The following UBAC2 variants were observed in gnomAD, a reference collection of about 807,000 sequenced individuals.
UBAC2 encodes ubiquitin-associated domain-containing protein 2.
Under a neutral mutation model 44.0 loss-of-function variants are expected in UBAC2, and 26 were observed. That is an observed-to-expected ratio of 0.59 (90% confidence interval 0.43 to 0.82). UBAC2 has a LOEUF of 0.82. Among genes scored for constraint, UBAC2 ranks in the 40% least tolerant of loss-of-function variants. The pLI is 0.00. For synonymous variants in UBAC2, 155 were observed against 154.3 expected, an observed-to-expected ratio of 1.00 and a Z score of -0.04; for missense variants, 329 against 419.4, an observed-to-expected ratio of 0.78 and a Z score of 1.88.
intron 8 of UBAC2, among the ~76,000 whole-genome samples, chr13:99,381,279 A>G (rs2045547083): frequency 6.6e-6 from 1 of 152,202 alleles, no homozygotes; most frequent in South Asian, 2.1e-4. Flanking sequence ...AACCAAATGT[A>G]TCATCAGTGG....
intron 5 of UBAC2, chr13:99,314,934 CT>C (rs1237229965): frequency 1.3e-5 from 2 of 152,246 alleles, no homozygotes; most frequent in Non-Finnish European, 2.9e-5. Flanking sequence ...TATTCTACAG[CT>C]TCCTGTGTCA....
At chr13:99,341,347 G>T (rs2044883348) in intron 7 of UBAC2, among the ~76,000 whole-genome samples, 1 of 151,698 alleles carries the variant, frequency 6.6e-6, no homozygotes. Flanking sequence ...TCTCACGATG[G>T]TTTGGAGAAG....
chr13:99,297,093 A>T (rs2044186869), intron 4 of UBAC2, among the ~76,000 whole-genome samples: 1 of 152,044 alleles, frequency 6.6e-6, no homozygotes, highest in Non-Finnish European at 1.5e-5. Flanking sequence ...TTGCTTAGCT[A>T]CTCCCTTGAT....
At chr13:99,305,918 C>CA (rs1491087891) in intron 4 of UBAC2, among the ~76,000 whole-genome samples, 1 of 151,660 alleles carries the variant, frequency 6.6e-6, no homozygotes, top group African/African-American at 2.4e-5. Context: ...TCTATCGAGA[C>CA]AGAGTCTCGC....
intron 6 of UBAC2, among the ~76,000 whole-genome samples, chr13:99,339,952 C>T (rs554434465): frequency 6.6e-6 from 1 of 152,276 alleles, no homozygotes; most frequent in South Asian, 2.1e-4. Flanking sequence ...GGCCATCTGC[C>T]AACAAAGGTA....
intron 4 of UBAC2, among the ~76,000 whole-genome samples, chr13:99,260,557 C>G (rs1010708169): frequency 6.6e-6 from 1 of 152,202 alleles, no homozygotes; most frequent in Non-Finnish European, 1.5e-5. Context: ...CATTGACCCC[C>G]GTTCGCTGTG....
chr13:99,271,124 G>A (rs1452740134), intron 4 of UBAC2, among the ~76,000 whole-genome samples: 1 of 151,966 alleles, frequency 6.6e-6, no homozygotes, highest in East Asian at 1.9e-4. Context: ...TGTAATTGAG[G>A]GTAAAAGACA....
intron 4 of UBAC2, among the ~76,000 whole-genome samples, chr13:99,265,974 C>T (rs1024702927): frequency 3.9e-5 from 6 of 152,054 alleles, no homozygotes; most frequent in Non-Finnish European, 7.4e-5. Context: ...TGAAATAGAT[C>T]CAGATTTCTT....
chr13:99,246,879 AC>A (rs1314970680), intron 4 of UBAC2, among the ~76,000 whole-genome samples: 2 of 152,248 alleles, frequency 1.3e-5, no homozygotes, highest in African/African-American at 4.8e-5. Flanking sequence ...TTTTCAAGTC[AC>A]AAAACATTAT....
At position 99,200,889 on chromosome 13, in the gene UBAC2, GC is replaced by G. The variant is rs746237524; in HGVS notation, c.-19del. 4 of 1,302,308 alleles carry G rather than the reference GC, an allele frequency of 3.1e-6. No individual in the cohort carries two copies. The allele number at this position is 1,302,308 out of a possible 1,614,324, so 80.7% of individuals were successfully genotyped here. A position where few individuals can be genotyped will look rare whatever the true frequency, so the allele number is the denominator to read the frequency against. On this transcript the variant is annotated 5_prime_UTR_variant, in exon 1 of 9. Coordinates refer to ENST00000403766, the MANE Select transcript of UBAC2 (RefSeq NM_001144072.2). ...TTCCCCTCCCCCGGCGCCCTCTGGG[GC>G]TCCGAGCCCGGCGGGACCATGTTCA...
chr13:99,275,588 C>T (rs1002775398), intron 4 of UBAC2, among the ~76,000 whole-genome samples: 4 of 151,778 alleles, frequency 2.6e-5, no homozygotes, highest in African/African-American at 7.3e-5. Context: ...TTTGTGGATG[C>T]GATATTTTTT....
chr13:99,315,026 G>A (rs536793492), intron 5 of UBAC2, among the ~76,000 whole-genome samples: 3 of 152,130 alleles, frequency 2.0e-5, no homozygotes, highest in Admixed American at 6.5e-5. Flanking sequence ...GGATACTGGC[G>A]TCACTTCAGA....
chr13:99,364,058 A>C lies in UBAC2; in HGVS notation c.808-3729A>C, dbSNP rs143067657. ...CATGCTTTGAGAGACATTTGTAAAC[A>C]CTCTTGGATTTTCTAGGTAGACAGT... On this transcript the variant is annotated intron_variant, in intron 7 of 8. Coordinates refer to ENST00000403766, the MANE Select transcript of UBAC2 (RefSeq NM_001144072.2). Among the ~76,000 whole-genome samples, 671 of 151,878 alleles carry C rather than the reference A, an allele frequency of 4.4e-3. 3 individuals carry two copies. Among genetic ancestry groups the C allele is most frequent in the Non-Finnish European group, 7.8e-3 (528 of 67,928 alleles).
chr13:99,232,350 T>G (rs1404121637), intron 1 of UBAC2, among the ~76,000 whole-genome samples: 1 of 145,656 alleles, frequency 6.9e-6, no homozygotes, highest in East Asian at 2.0e-4. Flanking sequence ...GGAAAATAAT[T>G]CTTTCAAGTA....
At position 99,276,408 on chromosome 13, in the gene UBAC2, C is replaced by T. The variant is rs187514324; in HGVS notation, c.389+31784C>T. Among the ~76,000 whole-genome samples, 237 of 152,332 alleles carry T rather than the reference C, an allele frequency of 1.6e-3. 1 individual carries two copies. The highest frequency in any genetic ancestry group is 5.3e-3 in the African/African-American group (221 of 41,566). ...ACCAGGTCTGATACATTTGCAGGAA[C>T]GTCTCACAGAACTCAGGAACGTATT... On this transcript the variant is annotated intron_variant, in intron 4 of 8. Transcript: ENST00000403766.
intron 8 of UBAC2, among the ~76,000 whole-genome samples, chr13:99,375,503 G>A (rs1593986928): frequency 6.6e-6 from 1 of 152,304 alleles, no homozygotes; most frequent in East Asian, 1.9e-4. Flanking sequence ...TGCACCCAGT[G>A]TGAGCTCAGG....
intron 8 of UBAC2, among the ~76,000 whole-genome samples, chr13:99,380,898 C>T (rs1351468365): frequency 6.6e-6 from 1 of 152,252 alleles, no homozygotes; most frequent in South Asian, 2.1e-4. Context: ...ACTTAAAGCT[C>T]TGAAGCCAGC....
chr13:99,231,702 CGCCT>C (rs74451935), intron 1 of UBAC2, among the ~76,000 whole-genome samples: 4,645 of 152,242 alleles, frequency 0.031, 90 homozygotes, highest in Middle Eastern at 0.11. Flanking sequence ...TGAGCCACCA[CGCCT>C]GGCTCTCTTT....
Position 99,294,021 on chromosome 13 carries a change from A to G in UBAC2, c.390-20076A>G, listed in dbSNP as rs944362342. On this transcript the variant is annotated intron_variant, in intron 4 of 8. Coordinates refer to ENST00000403766, the MANE Select transcript of UBAC2 (RefSeq NM_001144072.2). ...GACCAGTTGACTACCTGGAAAGGTC[A>G]TGCTACTCATACTAAGGTACTCATT... 2.6e-5 allele frequency among the ~76,000 whole-genome samples: 4 copies of G among 152,210 alleles called. No homozygotes were observed. The East Asian group carries it at 7.7e-4, about 29-fold the overall frequency.
Sources: allele counts gnomAD v4.1 joint callset (sites outside exome capture counted in the v4.1 genomes callset), GRCh38; gene constraint gnomAD v4.1.1; transcripts MANE v1.5; gene names NCBI Gene and HGNC (gene_info 2026-07-23, HGNC 2026-07-21).